ACAP2: variants seen among roughly 807,000 people sequenced by gnomAD.
ACAP2 encodes the protein arf-GAP with coiled-coil, ANK repeat and PH domain-containing protein 2.
In ACAP2, 39 loss-of-function variants were observed where a neutral mutation model predicts 115.8. The ratio of observed to expected loss-of-function variants is 0.34; its 90% CI spans 0.26 to 0.44. The LOEUF is 0.44. ACAP2 is among the 20% of genes least tolerant of loss of function. The pLI is 1.00. For missense variants in ACAP2, 662 were observed against 927.6 expected (o/e 0.71, Z 3.72); for synonymous variants, 289 against 315.8 (o/e 0.92, Z 0.90).
At chr3:195,350,544 G>C (rs1731489852) in intron 4 of ACAP2, among the ~76,000 whole-genome samples, 3 of 151,578 alleles carry the variant, frequency 2.0e-5, no homozygotes, top group Non-Finnish European at 4.4e-5. Flanking sequence ...AGCTACTCAG[G>C]AGGCTAAGGC....
intron 10 of ACAP2, among the ~76,000 whole-genome samples, chr3:195,316,284 A>G (rs1729087876): frequency 6.6e-6 from 1 of 151,622 alleles, no homozygotes; most frequent in African/African-American, 2.4e-5. Context: ...TACTTTTTAG[A>G]GCTTAGAAAA....
chr3:195,391,641 T>C (rs546543920), intron 2 of ACAP2, among the ~76,000 whole-genome samples: 42 of 152,326 alleles, frequency 2.8e-4, no homozygotes, highest in African/African-American at 1.0e-3. Flanking sequence ...TTAGTGTCTC[T>C]AGTCTTACTT....
intron 4 of ACAP2, among the ~76,000 whole-genome samples, chr3:195,348,420 T>A (rs1161147706): frequency 6.6e-6 from 1 of 151,978 alleles, no homozygotes; most frequent in Non-Finnish European, 1.5e-5. Context: ...CTACCAAACA[T>A]TGAAAGGTAG....
intron 1 of ACAP2, among the ~76,000 whole-genome samples, chr3:195,414,736 T>C (rs114202147): frequency 0.012 from 1,796 of 152,298 alleles, 32 homozygotes; most frequent in African/African-American, 0.039. Flanking sequence ...GTATTTCAGA[T>C]TTTGAATTCA....
chr3:195,442,526 G>T (rs534698800), intron 1 of ACAP2, among the ~76,000 whole-genome samples: 75 of 152,178 alleles, frequency 4.9e-4, no homozygotes, highest in Non-Finnish European at 9.3e-4. Flanking sequence ...AGCGGGAGAG[G>T]GTGCGCCGGC....
intron 1 of ACAP2, among the ~76,000 whole-genome samples, chr3:195,415,865 A>T (rs529002753): frequency 6.6e-6 from 1 of 152,304 alleles, no homozygotes; most frequent in African/African-American, 2.4e-5. Context: ...TTAGGATGAA[A>T]AAAACGCTAA....
intron 1 of ACAP2, among the ~76,000 whole-genome samples, chr3:195,405,813 G>A (rs1185555343): frequency 1.3e-5 from 2 of 152,112 alleles, no homozygotes; most frequent in East Asian, 1.9e-4. Context: ...ACCAAATCAC[G>A]GCAGAAGGCA....
intron 8 of ACAP2, among the ~76,000 whole-genome samples, chr3:195,331,881 T>A (rs1420160445): frequency 6.6e-6 from 1 of 151,954 alleles, no homozygotes; most frequent in East Asian, 1.9e-4. Context: ...ACGCCTATAA[T>A]CCCAGCACTT....
chr3:195,404,750 A>G (rs1317123946), intron 1 of ACAP2, among the ~76,000 whole-genome samples: 1 of 148,344 alleles, frequency 6.7e-6, no homozygotes, highest in Admixed American at 6.8e-5. Context: ...ATACACACAT[A>G]CGTATTTATA....
chr3:195,311,092 GTTTTTTTTTTGT>G lies in ACAP2; in HGVS notation c.858-2267_858-2256del, dbSNP rs1193943137. On this transcript the variant is annotated intron_variant, in intron 10 of 22. Coordinates refer to ENST00000326793, the MANE Select transcript of ACAP2 (RefSeq NM_012287.6). Reference sequence around the variant, plus strand: ...ATTAACATTTCATTGTGGTTTTTTTGTTTTTTTTTTGTTTTTTTTTTTGAAGCAGAGTCTCAC... The same window carrying G: ...ATTAACATTTCATTGTGGTTTTTTTGTTTTTTTTTTGAAGCAGAGTCTCAC... Among the ~76,000 whole-genome samples the G allele has an allele frequency of 2.5e-4, 27 of 108,934 alleles. No individual in the cohort carries two copies. In the South Asian group the frequency reaches 9.0e-3, roughly 36 times the overall value. The allele number at this position is 108,934 out of a possible 152,430, so 71.5% of individuals were successfully genotyped here.
chr3:195,420,623 G>A lies in ACAP2; in HGVS notation c.53+22172C>T, dbSNP rs546362265. Among the ~76,000 whole-genome samples the A allele has an allele frequency of 5.9e-5, 9 of 151,564 alleles. No homozygotes were observed. In the South Asian group the frequency reaches 1.3e-3, roughly 21 times the overall value. ...CTCCCAAAGTGCTGGAATTACAGGC[G>A]TGAGCCACTGCGCCCGGCCTGCAAT... On this transcript the variant is annotated intron_variant, in intron 1 of 22. Coordinates refer to ENST00000326793, the MANE Select transcript of ACAP2 (RefSeq NM_012287.6).
intron 4 of ACAP2, among the ~76,000 whole-genome samples, chr3:195,364,126 T>C (rs1732554215): frequency 6.6e-6 from 1 of 152,110 alleles, no homozygotes. Flanking sequence ...GTTAAAAACC[T>C]TCTGCATAGC....
intron 1 of ACAP2, among the ~76,000 whole-genome samples, chr3:195,426,599 T>C (rs548660859): frequency 6.6e-6 from 1 of 152,248 alleles, no homozygotes; most frequent in South Asian, 2.1e-4. Context: ...CGATGCAGTC[T>C]TTTTTTAGCC....
intron 8 of ACAP2, among the ~76,000 whole-genome samples, chr3:195,330,944 A>C (rs1730125159): frequency 6.6e-6 from 1 of 152,200 alleles, no homozygotes; most frequent in African/African-American, 2.4e-5. Context: ...TTGAACCATG[A>C]GGTAGAATCA....
At chr3:195,351,148 T>C (rs1731554328) in intron 4 of ACAP2, among the ~76,000 whole-genome samples, 1 of 135,930 alleles carries the variant, frequency 7.4e-6, no homozygotes. Context: ...GACAGGGTCT[T>C]GCTCTGTCGC....
intron 4 of ACAP2, among the ~76,000 whole-genome samples, chr3:195,379,218 G>A (rs1733785430): frequency 6.6e-6 from 1 of 151,898 alleles, no homozygotes; most frequent in Non-Finnish European, 1.5e-5. Flanking sequence ...AAAACCTAAG[G>A]GTAAATCTTT....
intron 9 of ACAP2, among the ~76,000 whole-genome samples, chr3:195,325,051 G>A (rs1297916322): frequency 6.6e-6 from 1 of 152,096 alleles, no homozygotes; most frequent in Non-Finnish European, 1.5e-5. Context: ...AGTCACTGAA[G>A]AAGTTAAAAC....
At chr3:195,350,359 C>T (rs748913633) in intron 4 of ACAP2, among the ~76,000 whole-genome samples, 1 of 152,124 alleles carries the variant, frequency 6.6e-6, no homozygotes, top group East Asian at 1.9e-4. Flanking sequence ...AAGTATGGTA[C>T]TGTATAAAGA....
intron 10 of ACAP2, among the ~76,000 whole-genome samples, chr3:195,317,197 C>T (rs1729153115): frequency 6.6e-6 from 1 of 151,966 alleles, no homozygotes; most frequent in South Asian, 2.1e-4. Flanking sequence ...CGTGCCCACC[C>T]AGTGAATGTT....
Sources: allele counts gnomAD v4.1 joint callset (sites outside exome capture counted in the v4.1 genomes callset), GRCh38; gene constraint gnomAD v4.1.1; transcripts MANE v1.5; gene names NCBI Gene and HGNC (gene_info 2026-07-23, HGNC 2026-07-21).